The following CNPY1 variants were observed in gnomAD, a reference collection of about 807,000 sequenced individuals.
CNPY1 encodes the protein canopy FGF signaling regulator 1, also known as protein canopy homolog 1.
In CNPY1, 14 loss-of-function variants were observed where a neutral mutation model predicts 14.4. The observed-to-expected ratio is 0.97, with a 90% CI of 0.64 to 1.52. The LOEUF (loss-of-function observed/expected upper bound fraction) is 1.52. Ranked by LOEUF, CNPY1 falls within the 40% of genes most tolerant of loss-of-function variation. The pLI is 0.00. For synonymous variants in CNPY1, 43 were observed against 46.5 expected (o/e 0.92, Z 0.31); for missense variants, 129 against 131.5 (o/e 0.98, Z 0.09).
chr7:155,511,342 CA>C lies in CNPY1; in HGVS notation c.100-2246del, dbSNP rs531592743. Among the ~76,000 whole-genome samples the C allele has an allele frequency of 2.2e-3, 342 of 152,284 alleles. 1 individual carries two copies. The highest frequency in any genetic ancestry group is 2.1e-3 in the Non-Finnish European group (141 of 68,028). On this transcript the variant is annotated intron_variant, in intron 2 of 4. Transcript: ENST00000636446. Reference sequence around the variant, plus strand: ...AAAACTAATTTTTCAATTCACAGAACATTGTGAGCTATTTGCAAAAGTTGCT... The same window carrying C: ...AAAACTAATTTTTCAATTCACAGAACTTGTGAGCTATTTGCAAAAGTTGCT...
chr7:155,531,168 C>T (rs1585328798), intron 2 of CNPY1, among the ~76,000 whole-genome samples: 1 of 152,196 alleles, frequency 6.6e-6, no homozygotes, highest in Non-Finnish European at 1.5e-5. Flanking sequence ...CACAGGCATG[C>T]GTGCCCTGCG....
chr7:155,531,187 C>T (rs373462387), intron 2 of CNPY1, among the ~76,000 whole-genome samples: 5 of 152,206 alleles, frequency 3.3e-5, no homozygotes, highest in African/African-American at 1.2e-4. Context: ...CGTCCTCAGG[C>T]CCCAGCTGAG....
Position 155,528,448 on chromosome 7 carries a change from G to A in CNPY1, c.99+17383C>T, listed in dbSNP as rs140619634. On this transcript the variant is annotated intron_variant, in intron 2 of 4. Coordinates refer to ENST00000636446, the MANE Select transcript of CNPY1 (RefSeq NM_001393663.1). The stretch of plus-strand genomic sequence containing the variant: ...TCTCTGTCCCAGGTTAAGCTACGCC[G>A]TGGGGGGATCAGCTGCTGCCAATGT... 4.0e-3 allele frequency among the ~76,000 whole-genome samples: 607 copies of A among 152,350 alleles called. 4 individuals are homozygous for A. Among genetic ancestry groups the A allele is most frequent in the African/African-American group, 0.014 (567 of 41,588 alleles).
intron 4 of CNPY1, among the ~76,000 whole-genome samples, chr7:155,505,070 C>G (rs1227768448): frequency 6.6e-6 from 1 of 152,132 alleles, no homozygotes; most frequent in Non-Finnish European, 1.5e-5. Context: ...TCCTTGTTAT[C>G]GTGCTATTAA....
In CNPY1 at chr7:155,531,268, G is replaced by A. The variant is rs1423507941; in HGVS notation, c.99+14563C>T. ...GTTCACAGGCTTCTCATTCCAGAAA[G>A]CCTTTTTTGAAAGGAAAATTTGGGC... On this transcript the variant is annotated intron_variant, in intron 2 of 4. Coordinates refer to ENST00000636446, the MANE Select transcript of CNPY1 (RefSeq NM_001393663.1). Among the ~76,000 whole-genome samples, 20 of 152,286 alleles carry A rather than the reference G, an allele frequency of 1.3e-4. No homozygotes were observed. The East Asian group carries it at 3.3e-3, about 25-fold the overall frequency.
intron 2 of CNPY1, among the ~76,000 whole-genome samples, chr7:155,525,043 C>G (rs1426971866): frequency 6.6e-6 from 1 of 152,190 alleles, no homozygotes; most frequent in Non-Finnish European, 1.5e-5. Flanking sequence ...CCCCTAACTC[C>G]ATGCTATGCT....
At chr7:155,546,053 C>T (rs760722193) in intron 1 of CNPY1, 110 bp from the exon 2 acceptor site, 16 of 397,886 alleles carry the variant, frequency 4.0e-5, no homozygotes, top group African/African-American at 2.1e-4. Flanking sequence ...ACAGTGCCGA[C>T]GTGCCCAGGA....
At chr7:155,523,858 GATGCCTTACCAGTCAC>G (rs1796771090) in intron 2 of CNPY1, among the ~76,000 whole-genome samples, 1 of 152,184 alleles carries the variant, frequency 6.6e-6, no homozygotes, top group Admixed American at 6.5e-5. Context: ...CCATGTGACT[GATGCCTTACCAGTCAC>G]ATGGTAAGAG....
intron 2 of CNPY1, among the ~76,000 whole-genome samples, chr7:155,526,757 C>T (rs1347561635): frequency 1.3e-5 from 2 of 152,228 alleles, no homozygotes; most frequent in African/African-American, 4.8e-5. Flanking sequence ...CAGCCTCTGT[C>T]ACCCACTGCT....
intron 2 of CNPY1, among the ~76,000 whole-genome samples, chr7:155,514,520 C>T (rs1796580637): frequency 6.6e-6 from 1 of 152,190 alleles, no homozygotes; most frequent in Non-Finnish European, 1.5e-5. Context: ...CGGAAAAGTC[C>T]TATTTTTGGA....
chr7:155,523,640 C>CAAAGCCCATCAGCCTCATG (rs1309189141), intron 2 of CNPY1, among the ~76,000 whole-genome samples: 2 of 152,210 alleles, frequency 1.3e-5, no homozygotes, highest in Non-Finnish European at 2.9e-5. Flanking sequence ...TGGGCGGGGA[C>CAAAGCCCATCAGCCTCATG]AAAGCCCATC....
At chr7:155,506,742 A>G (rs1796325147) in intron 4 of CNPY1, 1 of 377,570 alleles carries the variant, frequency 2.6e-6, no homozygotes, top group Non-Finnish European at 4.8e-6. Context: ...AATTCTGAAC[A>G]AGAATTTTCT....
chr7:155,530,780 T>C (rs1358570297), intron 2 of CNPY1, among the ~76,000 whole-genome samples: 1 of 152,202 alleles, frequency 6.6e-6, no homozygotes, highest in African/African-American at 2.4e-5. Flanking sequence ...AGTGATCCTG[T>C]GCTGTGGGGC....
intron 2 of CNPY1, among the ~76,000 whole-genome samples, chr7:155,514,479 C>G (rs1471733540): frequency 2.0e-5 from 3 of 152,190 alleles, no homozygotes; most frequent in Non-Finnish European, 4.4e-5. Flanking sequence ...TTGGAACCAC[C>G]TCTGCAAAAC....
intron 2 of CNPY1, among the ~76,000 whole-genome samples, chr7:155,539,463 C>T (rs1797059812): frequency 6.6e-6 from 1 of 152,272 alleles, no homozygotes; most frequent in South Asian, 2.1e-4. Flanking sequence ...GACTGAATCC[C>T]CCTGCACCTC....
At position 155,507,470 on chromosome 7, in the gene CNPY1, CTAAAAAAAA is replaced by C. The variant is rs1482014154; in HGVS notation, c.304-363_304-355del. Among the ~76,000 whole-genome samples, 14 of 5,494 alleles carry C rather than the reference CTAAAAAAAA, an allele frequency of 2.5e-3. No homozygotes were observed. The African/African-American group carries it at 0.029, about 11-fold the overall frequency. 3.6% of individuals were successfully genotyped at this position (5,494 alleles called of 152,430 possible). On this transcript the variant is annotated intron_variant, in intron 3 of 4. Transcript: ENST00000636446. ...GCTGAAAAGTCCAACGGTTTTTAAA[CTAAAAAAAA>C]AAAAAAAAAAAAAAAAAAAAGAAGA...
chr7:155,529,775 T>TC (rs1796902999), intron 2 of CNPY1, among the ~76,000 whole-genome samples: 1 of 125,004 alleles, frequency 8.0e-6, no homozygotes, highest in Non-Finnish European at 1.7e-5. Flanking sequence ...AAGTTTCTTT[T>TC]CTTTTTTTTT....
At chr7:155,535,014 C>T (rs564246977) in intron 2 of CNPY1, among the ~76,000 whole-genome samples, 5 of 152,290 alleles carry the variant, frequency 3.3e-5, no homozygotes, top group African/African-American at 1.2e-4. Flanking sequence ...GACAGCCCAG[C>T]GGTGACCTGG....
rs141754803 is a variant in CNPY1, at chr7:155,526,394, A to C, written c.100-17297T>G. Among the ~76,000 whole-genome samples, 1,039 of 152,294 alleles carry C rather than the reference A, an allele frequency of 6.8e-3. 9 individuals are homozygous for C. The highest frequency in any genetic ancestry group is 0.023 in the African/African-American group (974 of 41,560). On this transcript the variant is annotated intron_variant, in intron 2 of 4. Coordinates refer to ENST00000636446, the MANE Select transcript of CNPY1 (RefSeq NM_001393663.1). ...AAACGGCTGGCAGGGGACATTCTCAAACAAGACGGGGTGCCCAATGCCTTC... is the reference window on the plus strand; with the variant it reads ...AAACGGCTGGCAGGGGACATTCTCACACAAGACGGGGTGCCCAATGCCTTC...
Sources: gnomAD v4.1 joint callset for allele counts (sites outside exome capture counted in the v4.1 genomes callset) on GRCh38, gnomAD v4.1.1 for gene constraint, MANE v1.5 for transcripts, NCBI Gene and HGNC (gene_info 2026-07-23, HGNC 2026-07-21) for gene names.